CDH13: variants seen among roughly 807,000 people sequenced by gnomAD.
CDH13 encodes cadherin 13, also known as cadherin-13.
A neutral mutation model predicts 63.8 loss-of-function variants in CDH13; 24 were observed. The observed-to-expected ratio is 0.38, with a 90% confidence interval of 0.27 to 0.53. The LOEUF (loss-of-function observed/expected upper bound fraction) is 0.53, where lower values mean the gene tolerates loss of function less well. Among genes scored for constraint, CDH13 ranks in the 20% least tolerant of loss-of-function variants. The probability of loss-of-function intolerance (pLI) is 0.85; values close to 1 mark genes in which losing one functional copy is unlikely to be tolerated. For missense variants in CDH13, 1,049 were observed against 903.1 expected, an observed-to-expected ratio of 1.16 and a Z score of -2.07; for synonymous variants, 503 against 355.3, an observed-to-expected ratio of 1.42 and a Z score of -4.67.
chr16:83,510,655 C>G (rs1029946825), intron 7 of CDH13, among the ~76,000 whole-genome samples: 2 of 152,180 alleles, frequency 1.3e-5, no homozygotes, highest in African/African-American at 2.4e-5. Context: ...AGCTGATGCT[C>G]TCAACACCAA....
intron 1 of CDH13, chr16:82,704,955 C>A (rs1159656618): frequency 1.7e-5 from 6 of 347,790 alleles, no homozygotes; most frequent in African/African-American, 1.3e-4. Context: ...ACACCTAAGG[C>A]AGACTTGGGA....
intron 1 of CDH13, among the ~76,000 whole-genome samples, chr16:82,650,853 T>C (rs1454430210): frequency 6.6e-6 from 1 of 152,216 alleles, no homozygotes; most frequent in Non-Finnish European, 1.5e-5. Context: ...TAAGTTTGGT[T>C]GTAAGCCCAG....
At position 82,974,219 on chromosome 16, in the gene CDH13, G is replaced by A. The variant is rs575071602; in HGVS notation, c.158-57791G>A. 1.6e-3 allele frequency among the ~76,000 whole-genome samples: 242 copies of A among 152,290 alleles called. No homozygotes were observed. In the Middle Eastern group the frequency reaches 0.021, roughly 13 times the overall value. ...CTCACAAAGTGCTAGGATTACAGGC[G>A]TGAGCCACCATGCCCGGCCTAAGCT... On this transcript the variant is annotated intron_variant, in intron 2 of 13. Coordinates refer to ENST00000567109, the MANE Select transcript of CDH13 (RefSeq NM_001257.5).
intron 1 of CDH13, among the ~76,000 whole-genome samples, chr16:82,651,672 A>G (rs1910737148): frequency 6.6e-6 from 1 of 152,236 alleles, no homozygotes; most frequent in African/African-American, 2.4e-5. Flanking sequence ...TAGGTACGCC[A>G]TTGGAACAAA....
At chr16:82,673,213 G>A (rs1229209427) in intron 1 of CDH13, among the ~76,000 whole-genome samples, 4 of 151,942 alleles carry the variant, frequency 2.6e-5, no homozygotes, top group Non-Finnish European at 1.5e-5. Context: ...TTTGGTAGAT[G>A]CAGGTGTTTG....
chr16:83,155,384 C>T (rs919241784), intron 4 of CDH13, among the ~76,000 whole-genome samples: 3 of 152,086 alleles, frequency 2.0e-5, no homozygotes, highest in African/African-American at 7.2e-5. Flanking sequence ...GTTGAAAGGC[C>T]AAGAATTAAT....
chr16:83,146,521 G>C (rs1336154106), intron 4 of CDH13, among the ~76,000 whole-genome samples: 2 of 152,260 alleles, frequency 1.3e-5, no homozygotes, highest in African/African-American at 4.8e-5. Context: ...AGGAGTAACA[G>C]GAAGGTTTTA....
intron 5 of CDH13, among the ~76,000 whole-genome samples, chr16:83,227,016 G>A (rs1226482136): frequency 2.0e-5 from 3 of 152,236 alleles, no homozygotes; most frequent in Non-Finnish European, 4.4e-5. Context: ...GAGGGGATAC[G>A]GACAGGTTGT....
intron 6 of CDH13, among the ~76,000 whole-genome samples, chr16:83,447,727 A>T (rs71388388): frequency 0.27 from 40,623 of 149,156 alleles, 7,279 homozygotes; most frequent in East Asian, 0.78. Flanking sequence ...TCATTTTTTT[A>T]AATTATATTA....
At chr16:83,049,897 G>C (rs1469410451) in intron 3 of CDH13, among the ~76,000 whole-genome samples, 1 of 152,120 alleles carries the variant, frequency 6.6e-6, no homozygotes, top group Non-Finnish European at 1.5e-5. Flanking sequence ...CAAGATTTAT[G>C]AGTTACATAA....
At chr16:83,779,333 G>A (rs565899712) in intron 11 of CDH13, among the ~76,000 whole-genome samples, 1 of 147,516 alleles carries the variant, frequency 6.8e-6, no homozygotes, top group East Asian at 2.1e-4. Flanking sequence ...CTTGAACCCG[G>A]GAGGCGGAGG....
chr16:83,311,267 T>G (rs1436067188), intron 5 of CDH13, among the ~76,000 whole-genome samples: 3 of 152,218 alleles, frequency 2.0e-5, no homozygotes, highest in Admixed American at 2.0e-4. Flanking sequence ...CAAGTCAACT[T>G]CTTATCAGGA....
chr16:83,150,941 A>T (rs1453300756), intron 4 of CDH13, among the ~76,000 whole-genome samples: 1 of 152,176 alleles, frequency 6.6e-6, no homozygotes, highest in Non-Finnish European at 1.5e-5. Context: ...TCTGTCCCTG[A>T]AGATTATATA....
rs546788701 is a variant in CDH13, at chr16:83,132,908, G to C, written c.483+7407G>C. On this transcript the variant is annotated intron_variant, in intron 4 of 13. Transcript: ENST00000567109. ...ATTCAGCAGCCATAGCTACACATAAGCCTTTCCTATTTCCAAGTCTTTGAA... is the reference window on the plus strand; with the variant it reads ...ATTCAGCAGCCATAGCTACACATAACCCTTTCCTATTTCCAAGTCTTTGAA... Among the ~76,000 whole-genome samples, 11 of 152,282 alleles carry C rather than the reference G, an allele frequency of 7.2e-5. No individual in the cohort carries two copies. In the East Asian group the frequency reaches 2.1e-3, roughly 29 times the overall value.
chr16:82,841,762 C>T (rs1031931335), intron 1 of CDH13, among the ~76,000 whole-genome samples: 1 of 152,020 alleles, frequency 6.6e-6, no homozygotes, highest in African/African-American at 2.4e-5. Context: ...GAAGGTCCTA[C>T]AAAAATTCAG....
At chr16:83,393,204 G>T (rs1449641820) in intron 6 of CDH13, among the ~76,000 whole-genome samples, 1 of 152,200 alleles carries the variant, frequency 6.6e-6, no homozygotes, top group Non-Finnish European at 1.5e-5. Flanking sequence ...GCCAAGGGGT[G>T]CCCATGGAAA....
chr16:83,546,259 G>A (rs35415590), intron 7 of CDH13, among the ~76,000 whole-genome samples: 49,826 of 151,950 alleles, frequency 0.33, 9,113 homozygotes, highest in East Asian at 0.41. Flanking sequence ...CTGAACTCCT[G>A]GAGGGTGGCA....
chr16:83,187,349 G>A (rs1431950434), intron 4 of CDH13, among the ~76,000 whole-genome samples: 3 of 152,154 alleles, frequency 2.0e-5, no homozygotes, highest in Admixed American at 1.3e-4. Flanking sequence ...ACCTTCATGA[G>A]CTTGACATTT....
At chr16:83,693,867 T>G (rs575633464) in intron 10 of CDH13, among the ~76,000 whole-genome samples, 23 of 152,326 alleles carry the variant, frequency 1.5e-4, no homozygotes, top group Admixed American at 1.4e-3. Context: ...ACTATGCAAA[T>G]AACACCATGA....
Sources: gnomAD v4.1 joint callset for allele counts (sites outside exome capture counted in the v4.1 genomes callset) on GRCh38, gnomAD v4.1.1 for gene constraint, MANE v1.5 for transcripts, NCBI Gene and HGNC (gene_info 2026-07-23, HGNC 2026-07-21) for gene names.